Variants in SELENON observed in about 807,000 individuals in gnomAD.
SELENON encodes the protein selenoprotein N.
In SELENON, 44 loss-of-function variants were observed where a neutral mutation model predicts 59.5. The ratio of observed to expected loss-of-function variants is 0.74; its 90% CI spans 0.58 to 0.95. SELENON has a LOEUF of 0.95. Ranked by LOEUF, SELENON falls within the 40% of genes least tolerant of loss-of-function variation. The probability of loss-of-function intolerance (pLI) is 0.00; values close to 1 mark genes in which losing one functional copy is unlikely to be tolerated. For synonymous variants in SELENON, 320 were observed against 305.6 expected, an observed-to-expected ratio of 1.05 and a Z score of -0.49; for missense variants, 674 against 721.4, an observed-to-expected ratio of 0.93 and a Z score of 0.75.
At chr1:25,815,450 G>C in intron 12 of SELENON, 98 bp from the exon 12 acceptor site, 1 of 1,064,844 alleles carries the variant, frequency 9.4e-7, no homozygotes, top group Non-Finnish European at 1.4e-6. Flanking sequence ...GGACAGTCAA[G>C]GCCTGATAGC....
In SELENON at chr1:25,817,952, C is replaced by G. The variant is rs1017816565; in HGVS notation, c.*2234C>G. On this transcript the variant is annotated 3_prime_UTR_variant, in exon 13 of 13. Coordinates refer to ENST00000361547, the MANE Select transcript of SELENON (RefSeq NM_020451.3). ...CTGATGCTCTCTCTCTGCCTCCCCC[C>G]CCATCCTGTCAGGCACAGGTGACGG... 6.6e-6 allele frequency: 1 copy of G among 151,804 alleles called. No homozygotes were observed. The highest frequency in any genetic ancestry group is 1.5e-5 in the Non-Finnish European group (1 of 68,164). 9.4% of individuals were successfully genotyped at this position (151,804 alleles called of 1,614,324 possible). A position where few individuals can be genotyped will look rare whatever the true frequency, so the allele number is the denominator to read the frequency against.
chr1:25,808,533 G>A (rs748505412), intron 4 of SELENON, 47 bp from the exon 4 acceptor site: 23 of 1,605,722 alleles, frequency 1.4e-5, no homozygotes, highest in South Asian at 1.1e-4. Context: ...AGGAGACCCC[G>A]GAGTCAGGTT....
chr1:25,804,958 C>T (rs2047892816), intron 3 of SELENON, among the ~76,000 whole-genome samples, 184 bp from the exon 3 acceptor site: 1 of 152,120 alleles, frequency 6.6e-6, no homozygotes, highest in Non-Finnish European at 1.5e-5. Context: ...ATGTTATTAT[C>T]TGCCTCCCTG....
In SELENON at chr1:25,817,065, C is replaced by T. The variant is rs1158020688; in HGVS notation, c.*1347C>T. On this transcript the variant is annotated 3_prime_UTR_variant, in exon 13 of 13. Coordinates refer to ENST00000361547, the MANE Select transcript of SELENON (RefSeq NM_020451.3). ...CCCAGCCCCCAGTTCTCTCCCCACC[C>T]CCTCACCCCACCCGGGGCTCACTCA... The T allele has an allele frequency of 6.6e-6, 1 of 152,054 alleles. No homozygotes were observed. Among genetic ancestry groups the T allele is most frequent in the Non-Finnish European group, 1.5e-5 (1 of 68,060 alleles). The allele number at this position is 152,054 out of a possible 1,614,324, so 9.4% of individuals were successfully genotyped here. A position where few individuals can be genotyped will look rare whatever the true frequency, so the allele number is the denominator to read the frequency against.
intron 2 of SELENON, among the ~76,000 whole-genome samples, 194 bp downstream of exon 2, chr1:25,801,354 C>G (rs1036101072): frequency 6.6e-6 from 1 of 152,200 alleles, no homozygotes; most frequent in Non-Finnish European, 1.5e-5. Context: ...TTTTCTCAGA[C>G]TTGTGAGCAA....
intron 3 of SELENON, among the ~76,000 whole-genome samples, chr1:25,803,080 A>G (rs900430900): frequency 2.0e-5 from 3 of 152,158 alleles, no homozygotes; most frequent in Admixed American, 2.0e-4. Flanking sequence ...ATGTGTATCA[A>G]TGTCTCTCAG....
Position 25,800,316 on chromosome 1 carries a change from G to T in SELENON, c.86G>T (p.Arg29Leu). 4.0e-6 allele frequency: 4 copies of T among 1,001,320 alleles called. No homozygotes were observed. Among genetic ancestry groups the T allele is most frequent in the Non-Finnish European group, 4.8e-6 (4 of 841,062 alleles). 62.0% of individuals were successfully genotyped at this position (1,001,320 alleles called of 1,614,324 possible). ...CCCGCGCCACCGCGCCGCCGCGCCC[G>T]TTCCCTGGCGCTGCTCGGAGCCCTG... Residue 29 changes from arginine (R) to leucine (L), a missense_variant, in exon 1 of 13, where the codon CGT becomes CTT. Arg to Leu is a moderately radical substitution (Grantham distance 102). Coordinates refer to ENST00000361547, the MANE Select transcript of SELENON (RefSeq NM_020451.3).
intron 9 of SELENON, 131 bp from the exon 9 acceptor site, chr1:25,812,556 T>TACAAACAAACACACAC (rs1491487893): frequency 1.9e-6 from 1 of 525,338 alleles, no homozygotes. Context: ...TATATATGCC[T>TACAAACAAACACACAC]ACACACAAAC....
chr1:25,812,522 C>A (rs2047971782), intron 9 of SELENON, among the ~76,000 whole-genome samples, 165 bp from the exon 9 acceptor site: 2 of 150,220 alleles, frequency 1.3e-5, no homozygotes, highest in African/African-American at 5.0e-5. Flanking sequence ...TACAAATGTA[C>A]ATATACACAG....
Position 25,800,344 on chromosome 1 carries a change from G to A in SELENON, c.114G>A (p.Leu38=). Reference sequence around the variant, plus strand: ...CCCTGGCGCTGCTCGGAGCCCTGCTGGCCGCCGCCGCTGCCGCCGCCGTCC... The same window carrying A: ...CCCTGGCGCTGCTCGGAGCCCTGCTAGCCGCCGCCGCTGCCGCCGCCGTCC... The change falls in exon 1 of 13, where the codon CTG becomes CTA. Residue 38 remains leucine (L), a synonymous_variant. Coordinates refer to ENST00000361547, the MANE Select transcript of SELENON (RefSeq NM_020451.3). The A allele has an allele frequency of 9.8e-7, 1 of 1,025,598 alleles. No individual in the cohort carries two copies. Among genetic ancestry groups the A allele is most frequent in the South Asian group, 4.3e-5 (1 of 23,162 alleles). 63.5% of individuals were successfully genotyped at this position (1,025,598 alleles called of 1,614,324 possible).
rs1303557457 is a variant in SELENON, at chr1:25,811,680, C to G, written c.1093-11C>G. 1 of 1,611,600 alleles carries G rather than the reference C, an allele frequency of 6.2e-7. No homozygotes were observed. The highest frequency in any genetic ancestry group is 8.5e-7 in the Non-Finnish European group (1 of 1,178,934). On this transcript the variant is annotated splice_polypyrimidine_tract_variant and intron_variant, in intron 8 of 12. Coordinates refer to ENST00000361547, the MANE Select transcript of SELENON (RefSeq NM_020451.3). ...TCTGAGCCTTCCCCCTACCACTGAC[C>G]TCTGGCCCAGATGGAGCTGGAGGCC...
chr1:25,802,008 TGA>T lies in SELENON; in HGVS notation c.302-5_302-4del. On this transcript the variant is annotated splice_region_variant and splice_polypyrimidine_tract_variant and intron_variant, in intron 2 of 12. Coordinates refer to ENST00000361547, the MANE Select transcript of SELENON (RefSeq NM_020451.3). The stretch of plus-strand genomic sequence containing the variant: ...GCAGCTATAACTTTTTTTTTTTTTT[TGA>T]GACAGGGTCTTGTTCTGTCACCCAG... 3.8e-6 allele frequency: 1 copy of T among 261,932 alleles called. No individual in the cohort carries two copies. 16.2% of individuals were successfully genotyped at this position (261,932 alleles called of 1,614,324 possible).
At position 25,805,024 on chromosome 1, in the gene SELENON, AC is replaced by A. The variant is rs1418682265; in HGVS notation, c.404-114del. ...GGTTGTTACTTTGGTGACTGTTAAC[AC>A]CCCAGCTACCCCCACCCCCTGCCTG... On this transcript the variant is annotated intron_variant, in intron 3 of 12. Coordinates refer to ENST00000361547, the MANE Select transcript of SELENON (RefSeq NM_020451.3). 6 of 1,348,166 alleles carry A rather than the reference AC, an allele frequency of 4.5e-6. No homozygotes were observed. In the African/African-American group the frequency reaches 8.6e-5, roughly 19 times the overall value. 83.5% of individuals were successfully genotyped at this position (1,348,166 alleles called of 1,614,324 possible).
intron 4 of SELENON, among the ~76,000 whole-genome samples, chr1:25,806,211 C>A (rs377542879): frequency 1.3e-5 from 2 of 152,236 alleles, no homozygotes; most frequent in Non-Finnish European, 2.9e-5. Flanking sequence ...GCATGCAGGA[C>A]CCACACAGGG....
rs1324380892 is a variant in SELENON, at chr1:25,801,120, C to A, written c.261C>A (p.Ile87=). ...TGGACACTGACGGGGATATGTACAT[C>A]AGCCCTGAGGAGTTCAAACCCATTG... Residue 87 remains isoleucine (I), a synonymous_variant, in exon 2 of 13, where the codon ATC becomes ATA. Coordinates refer to ENST00000361547, the MANE Select transcript of SELENON (RefSeq NM_020451.3). 3 of 1,614,048 alleles carry A rather than the reference C, an allele frequency of 1.9e-6. No individual in the cohort carries two copies. Among genetic ancestry groups the A allele is most frequent in the Non-Finnish European group, 2.5e-6 (3 of 1,180,018 alleles).
At chr1:25,810,637 C>T (rs978044219) in intron 7 of SELENON, among the ~76,000 whole-genome samples, 2 of 152,186 alleles carry the variant, frequency 1.3e-5, no homozygotes, top group Admixed American at 1.3e-4. Flanking sequence ...GCCTACTTCA[C>T]CCACAGGGCA....
At chr1:25,803,387 A>G (rs1169582562) in intron 3 of SELENON, among the ~76,000 whole-genome samples, 1 of 152,160 alleles carries the variant, frequency 6.6e-6, no homozygotes, top group African/African-American at 2.4e-5. Flanking sequence ...GGGCAGGGGG[A>G]ATCAAATCCA....
intron 10 of SELENON, 136 bp from the exon 10 acceptor site, chr1:25,813,745 A>G: frequency 1.4e-6 from 1 of 736,630 alleles, no homozygotes; most frequent in Admixed American, 1.9e-5. Context: ...TTCAGCACCT[A>G]CTCTACCTCA....
chr1:25,811,558 T>C, intron 8 of SELENON, 23 bp downstream of exon 7: 6 of 1,612,606 alleles, frequency 3.7e-6, no homozygotes, highest in Non-Finnish European at 5.1e-6. Flanking sequence ...GAGGCTCCCA[T>C]CCAGGTGGGC....
Sources: allele counts gnomAD v4.1 joint callset (sites outside exome capture counted in the v4.1 genomes callset), GRCh38; gene constraint gnomAD v4.1.1; transcripts MANE v1.5; gene names NCBI Gene and HGNC (gene_info 2026-07-23, HGNC 2026-07-21).